Variants in STK40 observed in about 807,000 individuals in gnomAD.
STK40 encodes serine/threonine-protein kinase 40.
A neutral mutation model predicts 47.9 loss-of-function variants in STK40; 13 were observed. That is an observed-to-expected ratio of 0.27 (90% confidence interval 0.18 to 0.43). The LOEUF (loss-of-function observed/expected upper bound fraction) is 0.43. STK40 is among the 20% of genes least tolerant of loss of function. The probability of loss-of-function intolerance (pLI) is 1.00; values close to 1 mark genes in which losing one functional copy is unlikely to be tolerated. For missense variants in STK40, 460 were observed against 595.1 expected (o/e 0.77, Z 2.36); for synonymous variants, 225 against 243.2 (o/e 0.93, Z 0.69).
intron 1 of STK40, chr1:36,366,199 A>G (rs1489572792): frequency 1.3e-5 from 2 of 152,266 alleles, no homozygotes; most frequent in Non-Finnish European, 2.9e-5. Flanking sequence ...GGCATGGTCT[A>G]GACAACAGTT....
intron 2 of STK40, among the ~76,000 whole-genome samples, chr1:36,360,536 T>C (rs1646842642): frequency 6.6e-6 from 1 of 151,770 alleles, no homozygotes; most frequent in East Asian, 1.9e-4. Context: ...TTTTATTTTA[T>C]TTTATTTTAT....
rs951902842 is a variant in STK40, at chr1:36,358,492, A to G, written c.199-110T>C. The G allele has an allele frequency of 1.3e-5, 19 of 1,420,852 alleles. 1 individual carries two copies. In the Admixed American group the frequency reaches 2.2e-4, roughly 16 times the overall value. 88.0% of individuals were successfully genotyped at this position (1,420,852 alleles called of 1,614,324 possible). ...TTTTTACCACATGACATTTGTGCAC[A>G]ATGCACACACAAACACACCAAGTGA... On this transcript the variant is annotated intron_variant, in intron 3 of 10. Transcript: ENST00000373132.
intron 1 of STK40, among the ~76,000 whole-genome samples, chr1:36,374,900 T>A (rs186537843): frequency 2.6e-4 from 39 of 152,314 alleles, no homozygotes; most frequent in Admixed American, 1.9e-3. Flanking sequence ...TCCCTTCAGC[T>A]CCAACCATCA....
In STK40 at chr1:36,343,366, C is replaced by T; in HGVS notation, c.1087G>A (p.Glu363Lys). The change falls in exon 10 of 11, where the codon GAG (glutamate) becomes AAG (lysine). Residue 363 changes from glutamate (E) to lysine (K), a missense_variant and splice_region_variant. Around this residue, in one of 3 missense-constraint regions of STK40, gnomAD observed 181 missense variants for 218.9 expected, o/e 0.83. Transcript: ENST00000373132. ...CCCATCTGCCCTCCCCAACTCACCT[C>T]CTGGGAGCTATCCGCATTGCTCATT... ...DQMSNADSSQ[E>K]AKVTEECSQY... 1 of 1,612,296 alleles carries T rather than the reference C, an allele frequency of 6.2e-7. No individual in the cohort carries two copies. Among genetic ancestry groups the T allele is most frequent in the Non-Finnish European group, 8.5e-7 (1 of 1,179,092 alleles).
At chr1:36,370,027 G>A (rs1474895016) in intron 1 of STK40, among the ~76,000 whole-genome samples, 1 of 152,222 alleles carries the variant, frequency 6.6e-6, no homozygotes, top group Non-Finnish European at 1.5e-5. Context: ...GCCAAGTCAT[G>A]GCTGGAGACA....
At chr1:36,346,485 A>G (rs921524817) in intron 7 of STK40, among the ~76,000 whole-genome samples, 1 of 152,202 alleles carries the variant, frequency 6.6e-6, no homozygotes, top group African/African-American at 2.4e-5. Flanking sequence ...TGCTGGGCAC[A>G]TGGAGAATAA....
Position 36,355,323 on chromosome 1 carries a change from A to T in STK40, c.453T>A (p.Asp151Glu). 1 of 1,614,106 alleles carries T rather than the reference A, an allele frequency of 6.2e-7. No homozygotes were observed. Among genetic ancestry groups the T allele is most frequent in the Non-Finnish European group, 8.5e-7 (1 of 1,180,028 alleles). ...GCAGGTTGATGAGGTCAGCGGTCTT[A>T]TCGCTGAAGTCATGAGCACAGAGGC... ...LDCLCAHDFS[D>E]KTADLINLQH... is the part of the protein sequence containing the mutation. Residue 151 changes from aspartate to glutamate, a missense_variant, in exon 5 of 11, where the codon GAT (aspartate) becomes GAA (glutamate). Physicochemically the swap from Asp to Glu is conservative, Grantham distance 45. Around this residue, in one of 3 missense-constraint regions of STK40, gnomAD observed 277 missense variants for 358.7 expected, o/e 0.77. Transcript: ENST00000373132.
At chr1:36,384,243 T>C (rs1300668850) in intron 1 of STK40, among the ~76,000 whole-genome samples, 3 of 152,176 alleles carry the variant, frequency 2.0e-5, no homozygotes, top group Non-Finnish European at 4.4e-5. Flanking sequence ...TTAGCCAGGC[T>C]GGTCTCGAAC....
At chr1:36,357,459 T>TG (rs1341116430) in intron 4 of STK40, among the ~76,000 whole-genome samples, 1 of 152,218 alleles carries the variant, frequency 6.6e-6, no homozygotes, top group East Asian at 1.9e-4. Context: ...TCTTCATTTC[T>TG]GGAGATACAA....
chr1:36,349,804 G>GCC, intron 6 of STK40, among the ~76,000 whole-genome samples: 2 of 152,188 alleles, frequency 1.3e-5, no homozygotes, highest in Non-Finnish European at 1.5e-5. Flanking sequence ...AGAGGCCTGG[G>GCC]AAAGGTTTCC....
At chr1:36,384,373 G>A (rs1432339542) in intron 1 of STK40, among the ~76,000 whole-genome samples, 1 of 152,160 alleles carries the variant, frequency 6.6e-6, no homozygotes, top group Non-Finnish European at 1.5e-5. Flanking sequence ...TTGTTTACAG[G>A]TCAATTTCCC....
intron 10 of STK40, chr1:36,342,979 GGAAA>G: frequency 1.7e-6 from 1 of 587,354 alleles, no homozygotes; most frequent in East Asian, 2.8e-5. Flanking sequence ...GGAATGGGGA[GGAAA>G]GAAATAGGGA....
Position 36,341,993 on chromosome 1 carries a change from G to C in STK40, c.1090-20C>G. The C allele has an allele frequency of 6.3e-7, 1 of 1,599,278 alleles. No individual in the cohort carries two copies. The highest frequency in any genetic ancestry group is 8.5e-7 in the Non-Finnish European group (1 of 1,171,844). The stretch of plus-strand genomic sequence containing the variant: ...CTTCGCCTTTGAGGCGGGGAGGGTG[G>C]GAAGGAGACAAAGATAAACCCAGAT... On this transcript the variant is annotated intron_variant, in intron 10 of 10. Coordinates refer to ENST00000373132, the MANE Select transcript of STK40 (RefSeq NM_001282547.2).
At position 36,340,921 on chromosome 1, in the gene STK40, A is replaced by G. The variant is rs1164081963; in HGVS notation, c.*834T>C. On this transcript the variant is annotated 3_prime_UTR_variant, in exon 11 of 11. Coordinates refer to ENST00000373132, the MANE Select transcript of STK40 (RefSeq NM_001282547.2). ...CTCAGTACCACGGGGAAGGATAGAG[A>G]AGGGAACAGGTTAACGCGCGTGTAC... The G allele has an allele frequency of 6.6e-6, 1 of 152,262 alleles. No individual in the cohort carries two copies. The highest frequency in any genetic ancestry group is 1.9e-4 in the East Asian group (1 of 5,168). The allele number at this position is 152,262 out of a possible 1,614,324, so 9.4% of individuals were successfully genotyped here.
chr1:36,385,034 C>A (rs1313992520), intron 1 of STK40, among the ~76,000 whole-genome samples: 1 of 152,176 alleles, frequency 6.6e-6, no homozygotes, highest in Non-Finnish European at 1.5e-5. Context: ...GGGCTTCAAA[C>A]CTGGGGATTG....
intron 1 of STK40, among the ~76,000 whole-genome samples, chr1:36,371,787 G>GGA (rs1309764121): frequency 6.6e-6 from 1 of 151,110 alleles, no homozygotes; most frequent in Non-Finnish European, 1.5e-5. Flanking sequence ...CCTGAGGTCA[G>GGA]GAGTTCGAGA....
chr1:36,358,414 C>T lies in STK40; in HGVS notation c.199-32G>A, dbSNP rs754594912. 1.9e-6 allele frequency: 3 copies of T among 1,575,192 alleles called. No individual in the cohort carries two copies. The African/African-American group carries it at 4.0e-5, about 21-fold the overall frequency. ...GAAAGCATAAAAATAAAACCAAAACCAGAACACCTCACTTTACACAGCAGA... is the reference window on the plus strand; with the variant it reads ...GAAAGCATAAAAATAAAACCAAAACTAGAACACCTCACTTTACACAGCAGA... On this transcript the variant is annotated intron_variant, in intron 3 of 10. Transcript: ENST00000373132.
At chr1:36,364,305 G>A (rs1002265797) in intron 1 of STK40, among the ~76,000 whole-genome samples, 2 of 152,174 alleles carry the variant, frequency 1.3e-5, no homozygotes, top group Admixed American at 6.5e-5. Context: ...ATGTTTTTAA[G>A]GTATTTGACA....
At chr1:36,351,251 G>T (rs1646750364) in intron 6 of STK40, among the ~76,000 whole-genome samples, 1 of 152,204 alleles carries the variant, frequency 6.6e-6, no homozygotes. Context: ...ATCCAAAGCG[G>T]GGTGAACTTG....
Sources: gnomAD v4.1 joint callset for allele counts (sites outside exome capture counted in the v4.1 genomes callset) on GRCh38, gnomAD v4.1.1 for gene constraint, gnomAD v4.1.1 regional missense constraint, MANE v1.5 for transcripts, NCBI Gene and HGNC (gene_info 2026-07-23, HGNC 2026-07-21) for gene names.